Variants in DMXL1 observed in about 807,000 individuals in gnomAD.
The protein encoded by DMXL1 is dmX-like protein 1.
Under a neutral mutation model 319.2 loss-of-function variants are expected in DMXL1, and 99 were observed. The ratio of observed to expected loss-of-function variants is 0.31; its 90% confidence interval spans 0.26 to 0.37. DMXL1 has a LOEUF of 0.37. Ranked by LOEUF, DMXL1 falls within the 10% of genes least tolerant of loss-of-function variation. The probability of loss-of-function intolerance (pLI) is 1.00; values close to 1 mark genes in which losing one functional copy is unlikely to be tolerated. For synonymous variants in DMXL1, 1,385 were observed against 1,235.2 expected (o/e 1.12, Z -2.54); for missense variants, 3,745 against 3,595.6 (o/e 1.04, Z -1.06).
chr5:119,094,877 T>A (rs1755580399), intron 1 of DMXL1, among the ~76,000 whole-genome samples: 2 of 151,954 alleles, frequency 1.3e-5, no homozygotes, highest in South Asian at 2.1e-4. Flanking sequence ...TTTAATTTTT[T>A]ATTTTTAGAC....
At chr5:119,190,689 A>G (rs1334156558) in intron 29 of DMXL1, among the ~76,000 whole-genome samples, 1 of 152,256 alleles carries the variant, frequency 6.6e-6, no homozygotes, top group African/African-American at 2.4e-5. Flanking sequence ...AACTGTGGGT[A>G]TGTTGACAGT....
Position 119,238,921 on chromosome 5 carries a change from G to C in DMXL1, c.8560-68G>C, listed in dbSNP as rs557758731. The C allele has an allele frequency of 1.5e-4, 235 of 1,582,944 alleles. No individual in the cohort carries two copies. The African/African-American group carries it at 2.8e-3, about 19-fold the overall frequency. ...AGAAACTACATGATCACTTTTCGAA[G>C]AATACATTTACCTGGTTATGACATT... On this transcript the variant is annotated intron_variant, in intron 40 of 43. Transcript: ENST00000539542.
At chr5:119,174,829 A>G (rs1248301476) in intron 25 of DMXL1, among the ~76,000 whole-genome samples, 2 of 152,206 alleles carry the variant, frequency 1.3e-5, no homozygotes, top group South Asian at 2.1e-4. Context: ...AATTGTTTTT[A>G]AGGTAACTAG....
Position 119,118,122 on chromosome 5 carries a change from G to A in DMXL1, c.744-693G>A, listed in dbSNP as rs181992761. On this transcript the variant is annotated intron_variant, in intron 7 of 43. Transcript: ENST00000539542. ...AATTGATTTTTGCTTTTATTTTAAG[G>A]AGGTGGCAAAAAGGAAATTAACTGA... Among the ~76,000 whole-genome samples the A allele has an allele frequency of 2.6e-4, 40 of 152,254 alleles. 1 individual carries two copies. In the East Asian group the frequency reaches 6.4e-3, roughly 24 times the overall value.
intron 16 of DMXL1, 83 bp downstream of exon 16, chr5:119,147,039 T>C (rs1768710178): frequency 6.7e-7 from 1 of 1,488,836 alleles, no homozygotes. Context: ...TTGGGACATA[T>C]TTCTTAAAGC....
chr5:119,157,424 C>G (rs1166806276), intron 19 of DMXL1, among the ~76,000 whole-genome samples: 2 of 152,160 alleles, frequency 1.3e-5, no homozygotes, highest in Non-Finnish European at 2.9e-5. Flanking sequence ...AGTTTTCCCT[C>G]TGTGTTTTCC....
In DMXL1 at chr5:119,129,431, T is replaced by C. The variant is rs201362415; in HGVS notation, c.1315+8T>C. The C allele has an allele frequency of 4.9e-5, 78 of 1,576,144 alleles. No individual in the cohort carries two copies. In the African/African-American group the frequency reaches 8.8e-4, roughly 18 times the overall value. On this transcript the variant is annotated splice_region_variant and intron_variant, in intron 10 of 43. Coordinates refer to ENST00000539542, the MANE Select transcript of DMXL1 (RefSeq NM_001290321.3). ...ATGTAAAATCTGATGAAGGTAAACT[T>C]TAAGAGGAAAGGAAAATTTAAAGTT...
intron 32 of DMXL1, among the ~76,000 whole-genome samples, chr5:119,201,159 A>G (rs1405873786): frequency 6.6e-6 from 1 of 152,140 alleles, no homozygotes; most frequent in Non-Finnish European, 1.5e-5. Flanking sequence ...TTTCAAGGAG[A>G]AAGCTTCCTG....
chr5:119,194,002 A>T lies in DMXL1; in HGVS notation c.7457+32A>T, dbSNP rs1438762421. Reference sequence around the variant, plus strand: ...TATATTTTATTTTAAATTTCTTTTTAAAAATAATGGTGTATATAAATAATA... The same window carrying T: ...TATATTTTATTTTAAATTTCTTTTTTAAAATAATGGTGTATATAAATAATA... On this transcript the variant is annotated intron_variant, in intron 30 of 43. Coordinates refer to ENST00000539542, the MANE Select transcript of DMXL1 (RefSeq NM_001290321.3). 3 of 1,405,394 alleles carry T rather than the reference A, an allele frequency of 2.1e-6. No homozygotes were observed. The African/African-American group carries it at 4.4e-5, about 21-fold the overall frequency. 87.1% of individuals were successfully genotyped at this position (1,405,394 alleles called of 1,614,324 possible). A position where few individuals can be genotyped will look rare whatever the true frequency, so the allele number is the denominator to read the frequency against.
Position 119,216,935 on chromosome 5 carries a change from C to G in DMXL1, c.7961C>G (p.Ala2654Gly), listed in dbSNP as rs1695376766. Residue 2654 changes from alanine (A) to glycine (G), a missense_variant, in exon 35 of 44, where the codon GCA (alanine) becomes GGA (glycine). By Grantham distance (60) the Ala-to-Gly change is moderately conservative. This residue lies in a region of DMXL1 where 1,382 missense variants were observed against 1,269.5 expected (regional missense o/e 1.09). Transcript: ENST00000539542. ...EADLGYPGGK[A>G]RIIHKESDII... is the part of the protein sequence containing the mutation. ...GATTTGGGATATCCTGGAGGTAAAG[C>G]AAGAATTATTCATAAGGAATCTGAT... 1 of 1,600,694 alleles carries G rather than the reference C, an allele frequency of 6.2e-7. No individual in the cohort carries two copies. The highest frequency in any genetic ancestry group is 8.5e-7 in the Non-Finnish European group (1 of 1,174,054).
chr5:119,102,430 A>G (rs1318636963), intron 3 of DMXL1, among the ~76,000 whole-genome samples: 4 of 152,232 alleles, frequency 2.6e-5, no homozygotes, highest in Admixed American at 6.5e-5. Flanking sequence ...AGTCGTTAAC[A>G]GGTCAATGAA....
intron 25 of DMXL1, among the ~76,000 whole-genome samples, chr5:119,173,746 ATG>A (rs1301093998): frequency 3.0e-5 from 2 of 65,720 alleles, no homozygotes; most frequent in African/African-American, 5.5e-5. Flanking sequence ...GTATATATAT[ATG>A]TGTGTGTATA....
At chr5:119,216,774 AC>A in intron 34 of DMXL1, 126 bp from the exon 35 acceptor site, 1 of 625,500 alleles carries the variant, frequency 1.6e-6, no homozygotes, top group East Asian at 3.1e-5. Flanking sequence ...ATACAATAAT[AC>A]CTTTAGAATT....
chr5:119,128,830 C>T (rs940341949), intron 9 of DMXL1, among the ~76,000 whole-genome samples: 18 of 152,186 alleles, frequency 1.2e-4, no homozygotes, highest in African/African-American at 4.3e-4. Context: ...CTTTGGGAGG[C>T]TGAGGCAGGT....
chr5:119,078,652 A>G (rs1013413179), intron 1 of DMXL1, among the ~76,000 whole-genome samples: 5 of 152,002 alleles, frequency 3.3e-5, no homozygotes, highest in Admixed American at 1.3e-4. Context: ...GGGTCCCACT[A>G]TGTTGCCCAG....
intron 32 of DMXL1, among the ~76,000 whole-genome samples, chr5:119,201,669 G>A (rs1486751370): frequency 1.3e-5 from 2 of 152,090 alleles, no homozygotes; most frequent in African/African-American, 2.4e-5. Flanking sequence ...TGTACATTTC[G>A]TAGAATTTGG....
In DMXL1 at chr5:119,149,374, T is replaced by G. The variant is rs1359199587; in HGVS notation, c.3547T>G (p.Phe1183Val). 1 of 1,613,962 alleles carries G rather than the reference T, an allele frequency of 6.2e-7. No homozygotes were observed. Among genetic ancestry groups the G allele is most frequent in the East Asian group, 2.2e-5 (1 of 44,874 alleles). The change falls in exon 18 of 44, where the codon TTT becomes GTT. Residue 1183 changes from phenylalanine (F) to valine (V), a missense_variant. This residue lies in a region of DMXL1 where 2,096 missense variants were observed against 1,985.4 expected (regional missense o/e 1.06). Coordinates refer to ENST00000539542, the MANE Select transcript of DMXL1 (RefSeq NM_001290321.3). ...CCAAACTGGTAAGGAAACCCTGGCA[T>G]TTCCTCTCTGGGAGAGTACCAAAGT... is the stretch of plus-strand genomic sequence containing the variant. ...QDQTGKETLA[F>V]PLWESTKVVP...
rs1561967198 is a variant in DMXL1 at position 119,247,955 on chromosome 5, TA to T, written c.*742del. 1 of 152,082 alleles carries T rather than the reference TA, an allele frequency of 6.6e-6. No homozygotes were observed. Among genetic ancestry groups the T allele is most frequent in the Non-Finnish European group, 1.5e-5 (1 of 67,976 alleles). 9.4% of individuals were successfully genotyped at this position (152,082 alleles called of 1,614,324 possible). On this transcript the variant is annotated 3_prime_UTR_variant, in exon 44 of 44. Coordinates refer to ENST00000539542, the MANE Select transcript of DMXL1 (RefSeq NM_001290321.3). ...TTTTTGCAACTGTGCTTTTCATTTT[TA>T]AAAAATTTTTGAATTCCCATCCTAA...
At chr5:119,244,068 G>C (rs1581523327) in intron 42 of DMXL1, among the ~76,000 whole-genome samples, 2 of 152,256 alleles carry the variant, frequency 1.3e-5, no homozygotes, top group South Asian at 2.1e-4. Context: ...ACCGAGGCTG[G>C]TACGGAACCA....
Sources: allele counts gnomAD v4.1 joint callset (sites outside exome capture counted in the v4.1 genomes callset), GRCh38; gene constraint gnomAD v4.1.1; regional missense constraint gnomAD v4.1.1; transcripts MANE v1.5; gene names NCBI Gene and HGNC (gene_info 2026-07-23, HGNC 2026-07-21).